The following MDFIC2 variants were observed in gnomAD, a reference collection of about 807,000 sequenced individuals.
MDFIC2 encodes the protein myoD family inhibitor domain-containing protein 2.
At chr3:70,228,253 C>A (rs1053767259) in intron 2 of MDFIC2, among the ~76,000 whole-genome samples, 1 of 151,930 alleles carries the variant, frequency 6.6e-6, no homozygotes, top group African/African-American at 2.4e-5. Context: ...TGCCAAGATG[C>A]TGAAGAAAAC....
chr3:70,233,145 C>T (rs1282069506), intron 2 of MDFIC2, among the ~76,000 whole-genome samples: 4 of 152,232 alleles, frequency 2.6e-5, no homozygotes, highest in African/African-American at 9.6e-5. Context: ...GCCAAGATCG[C>T]GCCACTGCAT....
At chr3:70,289,173 G>T (rs1280659720) in intron 2 of MDFIC2, among the ~76,000 whole-genome samples, 1 of 150,050 alleles carries the variant, frequency 6.7e-6, no homozygotes, top group East Asian at 2.0e-4. Flanking sequence ...TTTACATTTT[G>T]GCATGATTTT....
intron 3 of MDFIC2, among the ~76,000 whole-genome samples, chr3:70,198,112 AG>A (rs978864160): frequency 6.6e-6 from 1 of 152,200 alleles, no homozygotes; most frequent in Non-Finnish European, 1.5e-5. Flanking sequence ...GCTTTGTAAA[AG>A]GGTAGGTAAG....
intron 2 of MDFIC2, among the ~76,000 whole-genome samples, chr3:70,288,549 G>C (rs1267519260): frequency 6.7e-6 from 1 of 149,722 alleles, no homozygotes; most frequent in Non-Finnish European, 1.5e-5. Context: ...ATTTGGGGTG[G>C]AGAGTTCTGT....
Position 70,206,788 on chromosome 3 carries a change from T to C in MDFIC2, c.91A>G (p.Thr31Ala), listed in dbSNP as rs181864213. The C allele has an allele frequency of 2.5e-6, 1 of 397,468 alleles. No homozygotes were observed. Among genetic ancestry groups the C allele is most frequent in the African/African-American group, 2.1e-5 (1 of 48,556 alleles). The allele number at this position is 397,468 out of a possible 1,614,324, so 24.6% of individuals were successfully genotyped here. ...GCATGCTTTGCATTCGTGAGTTGCG[T>C]ATCTAGAGGAAAAAAGAAAAAACAC... ...KNNISWLKED[T>A]QLTNAKHADE... Residue 31 changes from threonine to alanine, a missense_variant and splice_region_variant, in exon 3 of 4, where the codon ACG becomes GCG. Thr to Ala is a moderately conservative substitution (Grantham distance 58). Coordinates refer to ENST00000567252, the MANE Select transcript of MDFIC2 (RefSeq NM_001364677.1).
At chr3:70,228,723 A>C (rs974105210) in intron 2 of MDFIC2, among the ~76,000 whole-genome samples, 1 of 150,648 alleles carries the variant, frequency 6.6e-6, no homozygotes, top group African/African-American at 2.4e-5. Flanking sequence ...TATTCTTCTC[A>C]TTAATTTTTT....
At chr3:70,229,580 C>T (rs1701539789) in intron 2 of MDFIC2, among the ~76,000 whole-genome samples, 1 of 152,162 alleles carries the variant, frequency 6.6e-6, no homozygotes, top group Admixed American at 6.5e-5. Flanking sequence ...ATGTAGCTCC[C>T]TTGCATGTTA....
At chr3:70,226,071 A>G (rs768890499) in intron 2 of MDFIC2, among the ~76,000 whole-genome samples, 1 of 152,226 alleles carries the variant, frequency 6.6e-6, no homozygotes, top group Non-Finnish European at 1.5e-5. Flanking sequence ...CACTTAAAAA[A>G]AATAAAAGAC....
chr3:70,212,111 A>C (rs1475244598), intron 2 of MDFIC2, among the ~76,000 whole-genome samples: 1 of 152,068 alleles, frequency 6.6e-6, no homozygotes, highest in Non-Finnish European at 1.5e-5. Context: ...GAAGTTGGCC[A>C]CTAAATCTTC....
intron 2 of MDFIC2, among the ~76,000 whole-genome samples, chr3:70,304,714 A>G (rs1190724451): frequency 1.3e-5 from 2 of 152,058 alleles, no homozygotes; most frequent in South Asian, 2.1e-4. Flanking sequence ...ATACTCTCCT[A>G]CTTTATTTCT....
In MDFIC2 at chr3:70,194,924, G is replaced by A. The variant is rs1348415333; in HGVS notation, c.*2002C>T. Among the ~76,000 whole-genome samples, 1 of 152,122 alleles carries A rather than the reference G, an allele frequency of 6.6e-6. No homozygotes were observed. The highest frequency in any genetic ancestry group is 1.5e-5 in the Non-Finnish European group (1 of 68,024). ...CTCAGAGAGGAGCCAAGAGGGATGG[G>A]ACATAAGGAAGCACTAGGAGGTGCA... On this transcript the variant is annotated 3_prime_UTR_variant, in exon 4 of 4. Transcript: ENST00000567252.
chr3:70,272,979 G>A (rs532089930), intron 2 of MDFIC2, among the ~76,000 whole-genome samples: 94 of 152,234 alleles, frequency 6.2e-4, no homozygotes, highest in Middle Eastern at 3.4e-3. Context: ...GCATCTTTTC[G>A]GCTTCAGTCC....
At chr3:70,294,633 C>T (rs9866714) in intron 2 of MDFIC2, among the ~76,000 whole-genome samples, 31,272 of 151,984 alleles carry the variant, frequency 0.21, 3,387 homozygotes, top group South Asian at 0.28. Context: ...TAACAGAAAA[C>T]GTCAACTCAA....
At chr3:70,286,304 A>T (rs1247458427) in intron 2 of MDFIC2, among the ~76,000 whole-genome samples, 2 of 152,186 alleles carry the variant, frequency 1.3e-5, no homozygotes, top group East Asian at 3.8e-4. Context: ...AGCACCGTTT[A>T]TTAAATAGGG....
At chr3:70,232,404 A>ATTTT (rs200752002) in intron 2 of MDFIC2, among the ~76,000 whole-genome samples, 1 of 145,058 alleles carries the variant, frequency 6.9e-6, no homozygotes, top group Non-Finnish European at 1.5e-5. Flanking sequence ...TGATGTTCCT[A>ATTTT]TTTTTTTTTT....
chr3:70,235,103 T>A (rs913884890), intron 2 of MDFIC2, among the ~76,000 whole-genome samples: 1 of 152,206 alleles, frequency 6.6e-6, no homozygotes, highest in Non-Finnish European at 1.5e-5. Context: ...TTTATGTTTT[T>A]TTCCAACCTC....
intron 2 of MDFIC2, among the ~76,000 whole-genome samples, chr3:70,308,363 C>T (rs1399001193): frequency 1.3e-5 from 2 of 152,156 alleles, no homozygotes; most frequent in African/African-American, 2.4e-5. Context: ...AGCAATGCTG[C>T]ATATTTTTAA....
intron 2 of MDFIC2, among the ~76,000 whole-genome samples, chr3:70,286,253 A>G (rs191243895): frequency 0.043 from 6,617 of 152,206 alleles, 221 homozygotes; most frequent in South Asian, 0.078. Flanking sequence ...TAAGGAAGGG[A>G]TCCAGTTTCA....
At chr3:70,306,855 T>C (rs925729444) in intron 2 of MDFIC2, among the ~76,000 whole-genome samples, 2 of 152,198 alleles carry the variant, frequency 1.3e-5, no homozygotes, top group African/African-American at 2.4e-5. Context: ...TTTTAGGTCA[T>C]ATGATTGGTG....
Sources: gnomAD v4.1 joint callset for allele counts (sites outside exome capture counted in the v4.1 genomes callset) on GRCh38, gnomAD v4.1.1 for gene constraint, MANE v1.5 for transcripts, NCBI Gene and HGNC (gene_info 2026-07-23, HGNC 2026-07-21) for gene names.